UPF2: variants seen among roughly 807,000 people sequenced by gnomAD.
The protein encoded by UPF2 is regulator of nonsense transcripts 2.
In UPF2, 17 loss-of-function variants were observed where a neutral mutation model predicts 141.4. That is an observed-to-expected ratio of 0.12 (90% confidence interval 0.08 to 0.18). The LOEUF is 0.18. Among genes scored for constraint, UPF2 ranks in the 10% least tolerant of loss-of-function variants. The pLI, the probability that UPF2 is intolerant of heterozygous loss-of-function variation, is 1.00. For missense variants in UPF2, 1,152 were observed against 1,515.9 expected, an observed-to-expected ratio of 0.76 and a Z score of 3.99; for synonymous variants, 540 against 498.0, an observed-to-expected ratio of 1.08 and a Z score of -1.12.
intron 1 of UPF2, among the ~76,000 whole-genome samples, chr10:12,038,661 G>A (rs113871708): frequency 2.2e-3 from 328 of 148,936 alleles, no homozygotes; most frequent in African/African-American, 7.7e-3. Flanking sequence ...CCCGGGAGGC[G>A]GAGGCTGCAG....
Position 11,920,122 on chromosome 10 carries a change from TTTG to T in UPF2, c.*1173_*1175del, listed in dbSNP as rs1832620854. On this transcript the variant is annotated 3_prime_UTR_variant, in exon 22 of 22. Coordinates refer to ENST00000357604, the MANE Select transcript of UPF2 (RefSeq NM_015542.4). Reference sequence around the variant, plus strand: ...TGTGAAATGTTACAACTTTACAAGTTTTGTTTTTTATTTAAATCTACATGCAGA... The same window carrying T: ...TGTGAAATGTTACAACTTTACAAGTTTTTTTTATTTAAATCTACATGCAGA... The T allele has an allele frequency of 6.6e-6, 1 of 152,196 alleles. No homozygotes were observed. The highest frequency in any genetic ancestry group is 2.4e-5 in the African/African-American group (1 of 41,454). The allele number at this position is 152,196 out of a possible 1,614,324, so 9.4% of individuals were successfully genotyped here.
At chr10:12,015,199 T>C (rs1411785242) in intron 3 of UPF2, among the ~76,000 whole-genome samples, 2 of 152,206 alleles carry the variant, frequency 1.3e-5, no homozygotes, top group Non-Finnish European at 2.9e-5. Flanking sequence ...AAGTAATACT[T>C]AGAAGTTTTT....
intron 9 of UPF2, among the ~76,000 whole-genome samples, chr10:11,968,005 C>G (rs769571604): frequency 6.6e-6 from 1 of 152,072 alleles, no homozygotes; most frequent in Non-Finnish European, 1.5e-5. Flanking sequence ...ATGGCGAAAC[C>G]CTGTCTCTAC....
intron 8 of UPF2, among the ~76,000 whole-genome samples, chr10:11,995,549 C>G (rs10906044): frequency 0.2 from 29,660 of 152,002 alleles, 3,104 homozygotes; most frequent in East Asian, 0.27. Flanking sequence ...CTTTGGGAGG[C>G]TGAGGCAGGC....
Position 11,979,954 on chromosome 10 carries a change from C to T in UPF2, c.1845-789G>A, listed in dbSNP as rs745935363. ...TACTCAATAACTGAAAAAACCTCTA[C>T]GAAGGCAAAATAATATTACAAAATC... On this transcript the variant is annotated intron_variant, in intron 8 of 21. Coordinates refer to ENST00000357604, the MANE Select transcript of UPF2 (RefSeq NM_015542.4). The surrounding 1 kb of genome is among the most constrained non-coding windows in gnomAD (Gnocchi z 6.2). Among the ~76,000 whole-genome samples the T allele has an allele frequency of 3.9e-5, 6 of 152,144 alleles. No homozygotes were observed. Among genetic ancestry groups the T allele is most frequent in the Non-Finnish European group, 7.4e-5 (5 of 68,016 alleles).
intron 3 of UPF2, among the ~76,000 whole-genome samples, chr10:12,024,256 G>A (rs998957244): frequency 3.3e-5 from 5 of 151,832 alleles, no homozygotes; most frequent in Non-Finnish European, 5.9e-5. Flanking sequence ...CCAGGAGTTC[G>A]AGGCCAGCCT....
intron 8 of UPF2, among the ~76,000 whole-genome samples, chr10:11,993,598 C>A (rs1479952981): frequency 6.6e-6 from 1 of 151,036 alleles, no homozygotes; most frequent in Non-Finnish European, 1.5e-5. Context: ...AGCCACAAAA[C>A]AAAACAAAAA....
intron 16 of UPF2, among the ~76,000 whole-genome samples, chr10:11,943,409 GCT>G (rs1564339420): frequency 2.0e-5 from 3 of 152,152 alleles, no homozygotes; most frequent in African/African-American, 7.2e-5. Flanking sequence ...TATTGTAGAA[GCT>G]CTTTCTTGAA....
chr10:11,993,731 C>T (rs994297041), intron 8 of UPF2, among the ~76,000 whole-genome samples: 4 of 151,866 alleles, frequency 2.6e-5, no homozygotes, highest in Non-Finnish European at 4.4e-5. Context: ...CCTGCACTTT[C>T]GGAGGCCAAA....
intron 7 of UPF2, among the ~76,000 whole-genome samples, chr10:11,999,256 G>A (rs1343795735): frequency 6.6e-6 from 1 of 152,004 alleles, no homozygotes; most frequent in African/African-American, 2.4e-5. Flanking sequence ...GCTCATGCCT[G>A]TAATCCGAGC....
chr10:11,983,423 A>T (rs181672862), intron 8 of UPF2, among the ~76,000 whole-genome samples: 7 of 152,210 alleles, frequency 4.6e-5, no homozygotes, highest in Non-Finnish European at 1.0e-4. Context: ...CCCAGGCTGG[A>T]GTGCAGTGGC....
chr10:11,932,249 G>A (rs1041326824), intron 19 of UPF2, among the ~76,000 whole-genome samples: 2 of 151,922 alleles, frequency 1.3e-5, no homozygotes, highest in African/African-American at 4.8e-5. Flanking sequence ...AATAAAACAG[G>A]GTGGCCATTT....
intron 3 of UPF2, among the ~76,000 whole-genome samples, chr10:12,015,587 A>G (rs1036734323): frequency 3.3e-5 from 5 of 152,136 alleles, no homozygotes; most frequent in Admixed American, 2.6e-4. Context: ...CTGTAATCCC[A>G]GTTACTCAGG....
chr10:11,934,227 C>T (rs978986023), intron 19 of UPF2, among the ~76,000 whole-genome samples: 10 of 152,174 alleles, frequency 6.6e-5, no homozygotes, highest in African/African-American at 2.2e-4. Flanking sequence ...TTTGTGAATC[C>T]TCGTAACAGT....
At chr10:12,010,940 C>G (rs1471875805) in intron 4 of UPF2, among the ~76,000 whole-genome samples, 1 of 151,598 alleles carries the variant, frequency 6.6e-6, no homozygotes, top group Non-Finnish European at 1.5e-5. Context: ...CTTTAAAGTA[C>G]TGAAAGAAAA....
At chr10:11,973,330 A>G (rs1185293867) in intron 9 of UPF2, among the ~76,000 whole-genome samples, 1 of 152,262 alleles carries the variant, frequency 6.6e-6, no homozygotes. Flanking sequence ...CCCATTCTGT[A>G]GGTTGCCTAT....
At chr10:11,962,040 G>C (rs1564345936) in intron 11 of UPF2, among the ~76,000 whole-genome samples, 1 of 152,172 alleles carries the variant, frequency 6.6e-6, no homozygotes, top group Non-Finnish European at 1.5e-5. Context: ...AAAAGAGCTA[G>C]AGATTTAATG....
In UPF2 at chr10:11,921,021, A is replaced by C; in HGVS notation, c.*277T>G. The C allele has an allele frequency of 1.5e-6, 1 of 681,038 alleles. No individual in the cohort carries two copies. The highest frequency in any genetic ancestry group is 2.8e-6 in the Non-Finnish European group (1 of 355,476). 42.2% of individuals were successfully genotyped at this position (681,038 alleles called of 1,614,324 possible). ...TAACTGCTCAGTAGTCAAGTGAACCATCTCATTTCTTGACTGCCATTCTCA... is the reference window on the plus strand; with the variant it reads ...TAACTGCTCAGTAGTCAAGTGAACCCTCTCATTTCTTGACTGCCATTCTCA... On this transcript the variant is annotated 3_prime_UTR_variant, in exon 22 of 22. Coordinates refer to ENST00000357604, the MANE Select transcript of UPF2 (RefSeq NM_015542.4). The surrounding 1 kb of genome is among the most constrained non-coding windows in gnomAD (Gnocchi z 5.9).
chr10:12,027,688 A>C (rs925418613), intron 3 of UPF2, among the ~76,000 whole-genome samples: 1 of 152,212 alleles, frequency 6.6e-6, no homozygotes, highest in Non-Finnish European at 1.5e-5. Context: ...CTCACCTCTG[A>C]GTGACCTTCA....
Sources: gnomAD v4.1 joint callset for allele counts (sites outside exome capture counted in the v4.1 genomes callset) on GRCh38, gnomAD v4.1.1 for gene constraint, Gnocchi (gnomAD v3.1) non-coding constraint, MANE v1.5 for transcripts, NCBI Gene and HGNC (gene_info 2026-07-23, HGNC 2026-07-21) for gene names.